The following OSBPL1A variants were observed in gnomAD, a reference collection of about 807,000 sequenced individuals.
OSBPL1A encodes oxysterol binding protein like 1A, also known as oxysterol-binding protein-related protein 1.
A neutral mutation model predicts 137.1 loss-of-function variants in OSBPL1A; 80 were observed. The ratio of observed to expected loss-of-function variants is 0.58; its 90% CI spans 0.49 to 0.70. The LOEUF is 0.70. Among genes scored for constraint, OSBPL1A ranks in the 30% least tolerant of loss-of-function variants. The pLI is 0.00. For missense variants in OSBPL1A, 970 were observed against 1,129.4 expected, an observed-to-expected ratio of 0.86 and a Z score of 2.02; for synonymous variants, 365 against 389.7, an observed-to-expected ratio of 0.94 and a Z score of 0.75.
chr18:24,187,264 G>C (rs1420599417), intron 18 of OSBPL1A, among the ~76,000 whole-genome samples: 1 of 152,088 alleles, frequency 6.6e-6, no homozygotes, highest in Non-Finnish European at 1.5e-5. Flanking sequence ...GTGTTTCGAG[G>C]GGACGGTTTC....
intron 19 of OSBPL1A, 93 bp from the exon 20 acceptor site, chr18:24,179,928 A>T: frequency 1.0e-6 from 1 of 967,344 alleles, no homozygotes. Context: ...AGTAATTTAC[A>T]GAATTATTTT....
Position 24,165,060 on chromosome 18 carries a change from C to T in OSBPL1A, c.2750+5G>A, listed in dbSNP as rs767779255. The T allele has an allele frequency of 2.3e-5, 37 of 1,613,898 alleles. No individual in the cohort carries two copies. Among genetic ancestry groups the T allele is most frequent in the Non-Finnish European group, 2.5e-5 (30 of 1,179,966 alleles). ...TCAGCCACACCCCCTGACTCAGGCA[C>T]GCACCTCGTCTTCCAGTCCTCTTCT... On this transcript the variant is annotated splice_donor_5th_base_variant and intron_variant, in intron 27 of 27. Transcript: ENST00000319481.
chr18:24,332,226 A>G (rs554033523), intron 7 of OSBPL1A, among the ~76,000 whole-genome samples: 204 of 151,766 alleles, frequency 1.3e-3, no homozygotes, highest in Non-Finnish European at 2.3e-3. Context: ...AAATACAAAA[A>G]AATCAGCCAG....
intron 13 of OSBPL1A, among the ~76,000 whole-genome samples, chr18:24,304,755 AT>A (rs2090470012): frequency 1.3e-5 from 2 of 152,140 alleles, no homozygotes; most frequent in South Asian, 2.1e-4. Context: ...CACCTTATAA[AT>A]TTTTTAGTGC....
At chr18:24,358,203 G>C (rs753549447) in intron 4 of OSBPL1A, 71 of 483,706 alleles carry the variant, frequency 1.5e-4, no homozygotes, top group Non-Finnish European at 2.4e-4. Flanking sequence ...GCCTAAGAAG[G>C]GCATGGTATC....
chr18:24,235,100 G>A (rs186870113), intron 16 of OSBPL1A, among the ~76,000 whole-genome samples: 4 of 152,260 alleles, frequency 2.6e-5, no homozygotes, highest in Admixed American at 2.6e-4. Flanking sequence ...AGTGCAATGA[G>A]AAACCACTGA....
intron 16 of OSBPL1A, among the ~76,000 whole-genome samples, chr18:24,228,862 T>G (rs1380881610): frequency 6.6e-6 from 1 of 152,038 alleles, no homozygotes; most frequent in Non-Finnish European, 1.5e-5. Context: ...CGGGCAGACA[T>G]GAGACTGTGA....
intron 17 of OSBPL1A, among the ~76,000 whole-genome samples, chr18:24,206,981 C>A (rs1180930885): frequency 6.6e-6 from 1 of 152,090 alleles, no homozygotes; most frequent in African/African-American, 2.4e-5. Context: ...ATGACAGGTG[C>A]TCAAAGTTTT....
rs367707705 is a variant in OSBPL1A, at chr18:24,181,125, T to A, written c.1812+20A>T. On this transcript the variant is annotated intron_variant, in intron 19 of 27. Transcript: ENST00000319481. ...AGCAAGGTCTCTAAGAGTTAGACCT[T>A]TTCCTCCCTTGGCTCATACCTGCAT... 42 of 1,611,264 alleles carry A rather than the reference T, an allele frequency of 2.6e-5. No homozygotes were observed. Among genetic ancestry groups the A allele is most frequent in the Non-Finnish European group, 3.3e-5 (39 of 1,178,926 alleles).
intron 17 of OSBPL1A, among the ~76,000 whole-genome samples, chr18:24,220,500 TG>T (rs954373811): frequency 1.4e-4 from 22 of 152,202 alleles, no homozygotes; most frequent in African/African-American, 5.3e-4. Flanking sequence ...CCCATTGTCT[TG>T]GGGAACCACT....
In OSBPL1A at chr18:24,390,685, A is replaced by T. The variant is rs188579704; in HGVS notation, c.-3+6970T>A. On this transcript the variant is annotated intron_variant, in intron 1 of 27. Coordinates refer to ENST00000319481, the MANE Select transcript of OSBPL1A (RefSeq NM_080597.4). ...ACTTCAGCCTGGGCAACAGAGTGCG[A>T]CTCCGTCTCAAAAAAAAAAAAAAAA... Among the ~76,000 whole-genome samples the T allele has an allele frequency of 3.4e-3, 369 of 108,682 alleles. 7 individuals are homozygous for T. The Admixed American group carries it at 0.042, about 12-fold the overall frequency. 71.3% of individuals were successfully genotyped at this position (108,682 alleles called of 152,430 possible). A position where few individuals can be genotyped will look rare whatever the true frequency, so the allele number is the denominator to read the frequency against.
chr18:24,255,509 G>C (rs1026355207), intron 15 of OSBPL1A, among the ~76,000 whole-genome samples: 1 of 152,092 alleles, frequency 6.6e-6, no homozygotes, highest in Admixed American at 6.5e-5. Context: ...CTCCTTTGGA[G>C]AGGCTAATCA....
intron 7 of OSBPL1A, among the ~76,000 whole-genome samples, chr18:24,329,547 C>CAAAA (rs369613715): frequency 3.2e-5 from 2 of 63,462 alleles, no homozygotes; most frequent in Non-Finnish European, 6.5e-5. Context: ...GAAACTCTGT[C>CAAAA]AAAAAAAAAA....
At chr18:24,302,227 C>A (rs1243248656) in intron 14 of OSBPL1A, among the ~76,000 whole-genome samples, 1 of 119,612 alleles carries the variant, frequency 8.4e-6, no homozygotes, top group African/African-American at 3.7e-5. Context: ...GAACAAGACT[C>A]CATCTCAAGA....
intron 5 of OSBPL1A, among the ~76,000 whole-genome samples, chr18:24,340,248 C>T (rs1344698440): frequency 2.0e-5 from 3 of 152,150 alleles, no homozygotes; most frequent in Non-Finnish European, 4.4e-5. Context: ...TTTTAAATTG[C>T]TTTAGAGAAA....
intron 14 of OSBPL1A, among the ~76,000 whole-genome samples, chr18:24,301,998 G>A (rs1017844857): frequency 1.3e-5 from 2 of 152,134 alleles, no homozygotes; most frequent in South Asian, 2.1e-4. Flanking sequence ...AGAGGCCAAC[G>A]CGGGTGGATC....
intron 11 of OSBPL1A, among the ~76,000 whole-genome samples, 161 bp from the exon 12 acceptor site, chr18:24,314,508 G>A (rs1174339605): frequency 3.3e-5 from 5 of 152,156 alleles, no homozygotes; most frequent in Non-Finnish European, 7.3e-5. Flanking sequence ...ATTACAGTGG[G>A]AGTATCAAAT....
intron 15 of OSBPL1A, among the ~76,000 whole-genome samples, chr18:24,242,699 A>G (rs2088742412): frequency 6.6e-6 from 1 of 152,240 alleles, no homozygotes. Context: ...TTTAGTGTTT[A>G]TCAATACAGC....
In OSBPL1A at chr18:24,179,683, T is replaced by C. The variant is rs947187115; in HGVS notation, c.1910+55A>G. 2.8e-6 allele frequency: 4 copies of C among 1,414,886 alleles called. No homozygotes were observed. In the East Asian group the frequency reaches 9.1e-5, roughly 32 times the overall value. 87.6% of individuals were successfully genotyped at this position (1,414,886 alleles called of 1,614,324 possible). A position where few individuals can be genotyped will look rare whatever the true frequency, so the allele number is the denominator to read the frequency against. Reference sequence around the variant, plus strand: ...TTATTCGTGATGACCAATATGTATGTATTTCTCCTCTTCATCTGCAACGCT... The same window carrying C: ...TTATTCGTGATGACCAATATGTATGCATTTCTCCTCTTCATCTGCAACGCT... On this transcript the variant is annotated intron_variant, in intron 20 of 27. Transcript: ENST00000319481.
Sources: gnomAD v4.1 joint callset for allele counts (sites outside exome capture counted in the v4.1 genomes callset) on GRCh38, gnomAD v4.1.1 for gene constraint, MANE v1.5 for transcripts, NCBI Gene and HGNC (gene_info 2026-07-23, HGNC 2026-07-21) for gene names.